MREG: variants seen among roughly 807,000 people sequenced by gnomAD.
The protein encoded by MREG is dilute suppressor protein homolog.
Under a neutral mutation model 28.5 loss-of-function variants are expected in MREG, and 31 were observed. The ratio of observed to expected loss-of-function variants is 1.09; its 90% CI spans 0.82 to 1.47. The LOEUF is 1.47. Ranked by LOEUF, MREG falls within the 40% of genes most tolerant of loss-of-function variation. The probability of loss-of-function intolerance (pLI) is 0.00; values close to 1 mark genes in which losing one functional copy is unlikely to be tolerated. For synonymous variants in MREG, 106 were observed against 95.2 expected (o/e 1.11, Z -0.66); for missense variants, 256 against 257.4 (o/e 0.99, Z 0.04).
At chr2:216,012,296 A>C (rs1469420015) in intron 1 of MREG, among the ~76,000 whole-genome samples, 2 of 152,208 alleles carry the variant, frequency 1.3e-5, no homozygotes, top group Admixed American at 6.5e-5. Context: ...CAGAGTGGAC[A>C]GGCAGGAAGG....
At chr2:216,013,141 C>T (rs1202899798) in intron 1 of MREG, 92 bp downstream of exon 1, 2 of 1,150,968 alleles carry the variant, frequency 1.7e-6, no homozygotes, top group Admixed American at 2.2e-5. Context: ...AAGCCCACCT[C>T]CCCAACTCAC....
chr2:215,991,536 A>G (rs1002609389), intron 2 of MREG, among the ~76,000 whole-genome samples: 5 of 152,138 alleles, frequency 3.3e-5, no homozygotes, highest in Non-Finnish European at 7.3e-5. Flanking sequence ...AGAAATAACT[A>G]AGATCAGAGC....
At position 215,971,354 on chromosome 2, in the gene MREG, G is replaced by A. The variant is rs533379504; in HGVS notation, c.256-24241C>T. On this transcript the variant is annotated intron_variant, in intron 2 of 4. Transcript: ENST00000263268. ...TGACAACTGCTATCCACGCTTGGAGGTAGGAGTTCAATAGAAAATCATCAT... is the reference window on the plus strand; with the variant it reads ...TGACAACTGCTATCCACGCTTGGAGATAGGAGTTCAATAGAAAATCATCAT... Among the ~76,000 whole-genome samples the A allele has an allele frequency of 1.3e-4, 20 of 152,316 alleles. No homozygotes were observed. The South Asian group carries it at 4.1e-3, about 32-fold the overall frequency.
At chr2:215,998,042 C>T (rs1022040201) in intron 1 of MREG, among the ~76,000 whole-genome samples, 6 of 152,154 alleles carry the variant, frequency 3.9e-5, no homozygotes, top group Admixed American at 2.6e-4. Context: ...CGGTGGCTCA[C>T]GCCTGTGATC....
At chr2:216,031,647 AAAAGAAAGAAAGAAAGAAAGAAAG>A (rs200929112) in intron 1 of MREG, among the ~76,000 whole-genome samples, 28 of 97,990 alleles carry the variant, frequency 2.9e-4, no homozygotes, top group African/African-American at 9.7e-4. Flanking sequence ...AAGGAAGAAG[AAAAGAAAGAAAGAAAGAAAGAAAG>A]AAAGAAAGAA....
intron 1 of MREG, among the ~76,000 whole-genome samples, chr2:216,003,329 C>T (rs1259431685): frequency 6.6e-6 from 1 of 152,112 alleles, no homozygotes; most frequent in African/African-American, 2.4e-5. Context: ...CACGCTGAGG[C>T]AGAGCCCCAT....
At chr2:215,948,346 T>C (rs1037466664) in intron 2 of MREG, among the ~76,000 whole-genome samples, 5 of 152,252 alleles carry the variant, frequency 3.3e-5, no homozygotes, top group Non-Finnish European at 7.3e-5. Context: ...CTTTCAGCTA[T>C]TTTCTAGAAG....
intron 2 of MREG, among the ~76,000 whole-genome samples, chr2:215,975,825 C>T (rs1343875483): frequency 6.6e-6 from 1 of 152,208 alleles, no homozygotes; most frequent in Non-Finnish European, 1.5e-5. Flanking sequence ...GTGGCTCACA[C>T]CTGTAATCCC....
At chr2:215,993,607 A>G (rs1345327475) in intron 2 of MREG, among the ~76,000 whole-genome samples, 1 of 152,244 alleles carries the variant, frequency 6.6e-6, no homozygotes, top group Non-Finnish European at 1.5e-5. Flanking sequence ...AGCAAAAGAA[A>G]CTATCACCAG....
chr2:215,990,672 A>G (rs1169750289), intron 2 of MREG, among the ~76,000 whole-genome samples: 1 of 152,220 alleles, frequency 6.6e-6, no homozygotes, highest in Non-Finnish European at 1.5e-5. Context: ...AAAGACACAT[A>G]TAGGCTCAAA....
chr2:215,946,522 C>A (rs1399128777), intron 3 of MREG, among the ~76,000 whole-genome samples: 1 of 152,132 alleles, frequency 6.6e-6, no homozygotes, highest in Non-Finnish European at 1.5e-5. Context: ...AAATCATTAT[C>A]ATTAACCATT....
chr2:216,013,374 C>A lies in MREG; in HGVS notation c.-47G>T, dbSNP rs1415631673. 1 of 1,414,244 alleles carries A rather than the reference C, an allele frequency of 7.1e-7. No individual in the cohort carries two copies. The highest frequency in any genetic ancestry group is 9.4e-7 in the Non-Finnish European group (1 of 1,068,322). 87.6% of individuals were successfully genotyped at this position (1,414,244 alleles called of 1,614,324 possible). On this transcript the variant is annotated 5_prime_UTR_variant, in exon 1 of 5. Transcript: ENST00000263268. ...GCGCCGGAAGCCTGGGGCCGAGTCG[C>A]CGCGGCGAGCGATCGAGGCTGGGGC...
chr2:215,956,818 G>GGATGAGCCA, intron 2 of MREG, among the ~76,000 whole-genome samples: 1 of 152,088 alleles, frequency 6.6e-6, no homozygotes, highest in East Asian at 1.9e-4. Flanking sequence ...GGGATTACAG[G>GGATGAGCCA]GATGAGCCAC....
chr2:215,987,925 T>A (rs1693617873), intron 2 of MREG, among the ~76,000 whole-genome samples: 1 of 151,906 alleles, frequency 6.6e-6, no homozygotes, highest in Non-Finnish European at 1.5e-5. Flanking sequence ...AATAAAAAAA[T>A]TTAAAAAATA....
chr2:215,973,705 C>T (rs2105992612), intron 2 of MREG, among the ~76,000 whole-genome samples: 1 of 152,308 alleles, frequency 6.6e-6, no homozygotes, highest in East Asian at 1.9e-4. Flanking sequence ...AGAAAAGAAA[C>T]TAGAACAGAT....
intron 1 of MREG, among the ~76,000 whole-genome samples, chr2:216,028,749 A>C (rs1270553079): frequency 6.6e-5 from 10 of 152,092 alleles, no homozygotes; most frequent in Non-Finnish European, 1.0e-4. Flanking sequence ...TGTTAAGGTA[A>C]TGCATATTTG....
intron 2 of MREG, among the ~76,000 whole-genome samples, chr2:215,984,983 C>T (rs1414771469): frequency 6.6e-6 from 1 of 152,168 alleles, no homozygotes; most frequent in South Asian, 2.1e-4. Context: ...AATCCTGATA[C>T]TCATTATATA....
intron 2 of MREG, among the ~76,000 whole-genome samples, chr2:215,960,475 A>C (rs565377867): frequency 1.3e-5 from 2 of 152,270 alleles, no homozygotes; most frequent in East Asian, 1.9e-4. Flanking sequence ...AGCTGCACTA[A>C]ATTTTACTGG....
At chr2:216,025,990 CA>C (rs1162785967) in intron 1 of MREG, among the ~76,000 whole-genome samples, 1 of 152,198 alleles carries the variant, frequency 6.6e-6, no homozygotes, top group Non-Finnish European at 1.5e-5. Flanking sequence ...AAATTGTCCA[CA>C]AGTAGAAGCA....
Sources: gnomAD v4.1 joint callset for allele counts (sites outside exome capture counted in the v4.1 genomes callset) on GRCh38, gnomAD v4.1.1 for gene constraint, MANE v1.5 for transcripts, NCBI Gene and HGNC (gene_info 2026-07-23, HGNC 2026-07-21) for gene names.